The following WDR1 variants were observed in gnomAD, a reference collection of about 807,000 sequenced individuals.
WDR1 encodes the protein WD repeat domain 1, also known as WD repeat-containing protein 1.
WDR1 carries 21 observed loss-of-function variants against 71.9 expected under a neutral mutation model. The observed-to-expected ratio is 0.29, with a 90% confidence interval of 0.21 to 0.42. WDR1 has a LOEUF of 0.42. WDR1 is among the 10% of genes least tolerant of loss of function. The pLI, the probability that WDR1 is intolerant of heterozygous loss-of-function variation, is 1.00. For missense variants in WDR1, 696 were observed against 824.5 expected (o/e 0.84, Z 1.91); for synonymous variants, 424 against 347.4 (o/e 1.22, Z -2.45).
At chr4:10,095,143 G>T (rs1712249911) in intron 5 of WDR1, among the ~76,000 whole-genome samples, 1 of 152,244 alleles carries the variant, frequency 6.6e-6, no homozygotes. Context: ...CTCATTCTCA[G>T]GAGGCGAGGG....
chr4:10,088,533 C>T, intron 6 of WDR1, 131 bp downstream of exon 6: 1 of 1,113,584 alleles, frequency 9.0e-7, no homozygotes, highest in East Asian at 2.6e-5. Context: ...GACGACGAGT[C>T]TGCAGATGTG....
chr4:10,101,406 C>T (rs1008917593), intron 3 of WDR1, among the ~76,000 whole-genome samples: 4 of 152,216 alleles, frequency 2.6e-5, no homozygotes, highest in Non-Finnish European at 5.9e-5. Flanking sequence ...AACCACCCCC[C>T]TACCACACTA....
Position 10,116,239 on chromosome 4 carries a change from G to C in WDR1, c.17-5C>G. On this transcript the variant is annotated splice_region_variant and splice_polypyrimidine_tract_variant and intron_variant, in intron 1 of 14. Transcript: ENST00000499869. ...GGAGGCTGGCGAACACCTTCTCTGC[G>C]GAGACACAAATGCGGCGGGGCATGT... is the stretch of plus-strand genomic sequence containing the variant. 5.6e-6 allele frequency: 9 copies of C among 1,613,356 alleles called. No homozygotes were observed. Among genetic ancestry groups the C allele is most frequent in the Non-Finnish European group, 5.9e-6 (7 of 1,179,784 alleles).
chr4:10,094,710 T>C (rs539541630), intron 5 of WDR1: 5 of 152,310 alleles, frequency 3.3e-5, no homozygotes, highest in African/African-American at 1.2e-4. Context: ...TGGGTAGGAA[T>C]GAGCCGGCAC....
intron 3 of WDR1, among the ~76,000 whole-genome samples, chr4:10,101,661 C>T (rs1712691486): frequency 6.6e-6 from 1 of 152,218 alleles, no homozygotes; most frequent in African/African-American, 2.4e-5. Context: ...CCGCAACAGC[C>T]TTCCATTGAA....
At chr4:10,107,210 T>C (rs1442756591) in intron 2 of WDR1, among the ~76,000 whole-genome samples, 1 of 152,152 alleles carries the variant, frequency 6.6e-6, no homozygotes, top group East Asian at 1.9e-4. Context: ...CCTCCCAGGC[T>C]TTCTTCTCAT....
At chr4:10,104,021 T>A (rs765449198) in intron 2 of WDR1, 35 bp from the exon 3 acceptor site, 1 of 1,562,394 alleles carries the variant, frequency 6.4e-7, no homozygotes, top group Non-Finnish European at 8.7e-7. Flanking sequence ...ACAGAAGGAA[T>A]GGAGAAGCAG....
At chr4:10,109,440 T>A (rs1363168403) in intron 2 of WDR1, among the ~76,000 whole-genome samples, 1 of 152,246 alleles carries the variant, frequency 6.6e-6, no homozygotes, top group Middle Eastern at 3.2e-3. Flanking sequence ...GTTAGTGTGA[T>A]TCTTTAATAC....
At chr4:10,083,992 T>A (rs1285581834) in intron 9 of WDR1, among the ~76,000 whole-genome samples, 4 of 152,206 alleles carry the variant, frequency 2.6e-5, no homozygotes, top group Non-Finnish European at 5.9e-5. Context: ...GCACATCAGC[T>A]CTCTGGGCTC....
intron 2 of WDR1, chr4:10,115,842 ATCAGAGGCGATCCGGCGCTT>A: frequency 2.4e-6 from 1 of 420,032 alleles, no homozygotes; most frequent in East Asian, 4.8e-5. Flanking sequence ...AGCTTCCAAG[ATCAGAGGCGATCCGGCGCTT>A]TCAGGGTGCT....
At position 10,080,352 on chromosome 4, in the gene WDR1, T is replaced by C. The variant is rs1040210881; in HGVS notation, c.1284+1005A>G. On this transcript the variant is annotated intron_variant, in intron 11 of 14. Coordinates refer to ENST00000499869, the MANE Select transcript of WDR1 (RefSeq NM_017491.5). Reference sequence around the variant, plus strand: ...TGGGAAGAGCCCTGCTGTGCAGAGATAGGCCACCTGCCAGCCTTCTAGAAC... The same window carrying C: ...TGGGAAGAGCCCTGCTGTGCAGAGACAGGCCACCTGCCAGCCTTCTAGAAC... Among the ~76,000 whole-genome samples the C allele has an allele frequency of 6.6e-5, 9 of 137,122 alleles. No homozygotes were observed. The South Asian group carries it at 6.9e-4, about 11-fold the overall frequency. 90.0% of individuals were successfully genotyped at this position (137,122 alleles called of 152,430 possible).
chr4:10,083,409 T>C (rs113309927), intron 9 of WDR1, among the ~76,000 whole-genome samples: 22 of 152,216 alleles, frequency 1.4e-4, no homozygotes, highest in African/African-American at 4.6e-4. Flanking sequence ...AAGGGAGCCG[T>C]GCTGAAGGCC....
chr4:10,115,935 C>G, intron 2 of WDR1, 178 bp downstream of exon 2: 6 of 751,580 alleles, frequency 8.0e-6, no homozygotes, highest in Non-Finnish European at 1.3e-5. Context: ...AGACAAGGAC[C>G]TGGGTGAATC....
In WDR1 at chr4:10,116,674, C is replaced by T; in HGVS notation, c.-8G>A. On this transcript the variant is annotated 5_prime_UTR_variant, in exon 1 of 15. Transcript: ENST00000499869. ...ACTGATCTCGTACGGCATCCTCGCC[C>T]ACTTGTTACCGCGCCGCGCTCGCCG... 3 of 1,350,192 alleles carry T rather than the reference C, an allele frequency of 2.2e-6. No individual in the cohort carries two copies. The highest frequency in any genetic ancestry group is 1.9e-6 in the Non-Finnish European group (2 of 1,043,760). 83.6% of individuals were successfully genotyped at this position (1,350,192 alleles called of 1,614,324 possible). A position where few individuals can be genotyped will look rare whatever the true frequency, so the allele number is the denominator to read the frequency against.
chr4:10,103,509 G>A (rs1712830529), intron 3 of WDR1, among the ~76,000 whole-genome samples: 1 of 152,036 alleles, frequency 6.6e-6, no homozygotes, highest in Non-Finnish European at 1.5e-5. Flanking sequence ...CTTACACCAG[G>A]GGTGTTCAAT....
intron 14 of WDR1, chr4:10,076,866 T>C (rs375510252): frequency 1.5e-4 from 25 of 167,110 alleles, no homozygotes; most frequent in African/African-American, 4.8e-4. Context: ...CAGGGAGAAA[T>C]GATGACATGC....
intron 12 of WDR1, 49 bp downstream of exon 12, chr4:10,078,842 C>G: frequency 6.6e-7 from 1 of 1,515,814 alleles, no homozygotes; most frequent in Non-Finnish European, 9.1e-7. Context: ...GTCCCCAAAT[C>G]ACCCAGATAC....
Position 10,083,316 on chromosome 4 carries a change from C to G in WDR1, c.1040-138G>C, listed in dbSNP as rs549241722. On this transcript the variant is annotated intron_variant, in intron 9 of 14. Coordinates refer to ENST00000499869, the MANE Select transcript of WDR1 (RefSeq NM_017491.5). The stretch of plus-strand genomic sequence containing the variant: ...GGACATAACCATTCCCCCTGGGAAG[C>G]CTGCAGTGTCCACTGTTGACACGTT... The G allele has an allele frequency of 3.4e-5, 37 of 1,100,416 alleles. No homozygotes were observed. The South Asian group carries it at 5.2e-4, about 16-fold the overall frequency. 68.2% of individuals were successfully genotyped at this position (1,100,416 alleles called of 1,614,324 possible). A position where few individuals can be genotyped will look rare whatever the true frequency, so the allele number is the denominator to read the frequency against.
rs1382416806 is a variant in WDR1, at chr4:10,104,984, G to A, written c.139-998C>T. Among the ~76,000 whole-genome samples the A allele has an allele frequency of 5.9e-5, 9 of 151,716 alleles. No individual in the cohort carries two copies. The South Asian group carries it at 1.7e-3, about 28-fold the overall frequency. ...AAGACCTGAGGGGCCCCCATCTCACGAGACTGAGACCACAGAAGTACAGAC... is the reference window on the plus strand; with the variant it reads ...AAGACCTGAGGGGCCCCCATCTCACAAGACTGAGACCACAGAAGTACAGAC... On this transcript the variant is annotated intron_variant, in intron 2 of 14. Transcript: ENST00000499869.
Sources: allele counts gnomAD v4.1 joint callset (sites outside exome capture counted in the v4.1 genomes callset), GRCh38; gene constraint gnomAD v4.1.1; transcripts MANE v1.5; gene names NCBI Gene and HGNC (gene_info 2026-07-23, HGNC 2026-07-21).